Variants in PHACTR1 observed in about 807,000 individuals in gnomAD.
PHACTR1 encodes the protein RPEL repeat containing 1.
Under a neutral mutation model 69.2 loss-of-function variants are expected in PHACTR1, and 16 were observed. The observed-to-expected ratio is 0.23, with a 90% CI of 0.16 to 0.35. The LOEUF (loss-of-function observed/expected upper bound fraction) is 0.35, where lower values mean the gene tolerates loss of function less well. Among genes scored for constraint, PHACTR1 ranks in the 10% least tolerant of loss-of-function variants. The pLI is 1.00. For synonymous variants in PHACTR1, 312 were observed against 284.5 expected (o/e 1.10, Z -0.97); for missense variants, 510 against 734.7 (o/e 0.69, Z 3.54).
At chr6:13,190,196 G>GTTTTGTTTTTTTT (rs1220683843) in intron 7 of PHACTR1, among the ~76,000 whole-genome samples, 3 of 31,848 alleles carry the variant, frequency 9.4e-5, no homozygotes, top group African/African-American at 3.1e-4. Context: ...GCTAATTTTT[G>GTTTTGTTTTTTTT]TATTTTTTTT....
intron 10 of PHACTR1, among the ~76,000 whole-genome samples, chr6:13,271,308 C>A (rs1323366939): frequency 2.6e-5 from 4 of 152,170 alleles, no homozygotes; most frequent in Non-Finnish European, 4.4e-5. Flanking sequence ...CCAGGCCTCC[C>A]CCCGAGCAAT....
At chr6:12,831,244 T>A (rs1206697810) in intron 4 of PHACTR1, among the ~76,000 whole-genome samples, 1 of 152,210 alleles carries the variant, frequency 6.6e-6, no homozygotes, top group Admixed American at 6.5e-5. Context: ...GAAATTACGA[T>A]GCATTTTTGA....
At chr6:13,117,268 C>T (rs943290471) in intron 5 of PHACTR1, among the ~76,000 whole-genome samples, 3 of 152,212 alleles carry the variant, frequency 2.0e-5, no homozygotes, top group Non-Finnish European at 4.4e-5. Flanking sequence ...TTTCTGCAGA[C>T]TTGACCTAGG....
intron 4 of PHACTR1, among the ~76,000 whole-genome samples, chr6:13,010,197 G>A (rs1426933485): frequency 6.6e-6 from 1 of 151,910 alleles, no homozygotes; most frequent in Non-Finnish European, 1.5e-5. Flanking sequence ...GCGTGATCTC[G>A]GCTCACTGCA....
chr6:13,168,198 C>T (rs192337683), intron 6 of PHACTR1, among the ~76,000 whole-genome samples: 47 of 152,310 alleles, frequency 3.1e-4, no homozygotes, highest in Non-Finnish European at 4.4e-4. Flanking sequence ...AACCTATAAT[C>T]ATTTGTGTAG....
At chr6:12,736,588 T>C (rs1581500172) in intron 3 of PHACTR1, among the ~76,000 whole-genome samples, 2 of 152,308 alleles carry the variant, frequency 1.3e-5, no homozygotes, top group Non-Finnish European at 2.9e-5. Context: ...TGTGGGACTA[T>C]CTGACAATGA....
chr6:13,174,130 C>G (rs1761006349), intron 6 of PHACTR1, among the ~76,000 whole-genome samples: 1 of 152,168 alleles, frequency 6.6e-6, no homozygotes, highest in Non-Finnish European at 1.5e-5. Context: ...CCACTAACAC[C>G]AGAATGACAC....
intron 6 of PHACTR1, among the ~76,000 whole-genome samples, chr6:13,175,915 C>A (rs1354770523): frequency 6.6e-6 from 1 of 152,060 alleles, no homozygotes; most frequent in Non-Finnish European, 1.5e-5. Flanking sequence ...CAAATCAGCC[C>A]ACCAACTGGG....
intron 4 of PHACTR1, among the ~76,000 whole-genome samples, chr6:13,013,821 C>T (rs1037177063): frequency 2.7e-5 from 4 of 148,744 alleles, no homozygotes; most frequent in African/African-American, 7.3e-5. Flanking sequence ...CTGGCGAGGC[C>T]GAGGGGCGCG....
At chr6:13,092,157 GTAA>G (rs1813391225) in intron 5 of PHACTR1, among the ~76,000 whole-genome samples, 2 of 152,164 alleles carry the variant, frequency 1.3e-5, no homozygotes, top group African/African-American at 4.8e-5. Context: ...AGCTCAGGTG[GTAA>G]TGCAAGTGAT....
At chr6:12,862,650 A>T (rs1331331672) in intron 4 of PHACTR1, among the ~76,000 whole-genome samples, 1 of 152,162 alleles carries the variant, frequency 6.6e-6, no homozygotes, top group Non-Finnish European at 1.5e-5. Flanking sequence ...CACCACAGGG[A>T]TCATGATGCA....
Position 12,723,332 on chromosome 6 carries a change from T to C in PHACTR1, c.103+4485T>C, listed in dbSNP as rs1762361474. On this transcript the variant is annotated intron_variant, in intron 3 of 14. Coordinates refer to ENST00000332995, the MANE Select transcript of PHACTR1 (RefSeq NM_030948.6). ...GCTTCATTCATTCGTCTGGGGCTTG[T>C]TAGGAATGTAGCATCTCAGGCCCCA... Among the ~76,000 whole-genome samples the C allele has an allele frequency of 3.9e-5, 6 of 152,146 alleles. No homozygotes were observed. In the South Asian group the frequency reaches 8.3e-4, roughly 21 times the overall value.
intron 4 of PHACTR1, 65 bp from the exon 5 acceptor site, chr6:13,053,300 G>C: frequency 6.9e-7 from 1 of 1,458,940 alleles, no homozygotes; most frequent in Non-Finnish European, 9.2e-7. Flanking sequence ...TTGGCCATCT[G>C]TGAGGCTCCC....
At chr6:12,797,415 A>G (rs1773164975) in intron 4 of PHACTR1, among the ~76,000 whole-genome samples, 2 of 152,208 alleles carry the variant, frequency 1.3e-5, no homozygotes, top group South Asian at 4.1e-4. Context: ...GAGTTTGATA[A>G]TTGCAGTGGC....
At chr6:13,215,038 A>C (rs1313866126) in intron 8 of PHACTR1, among the ~76,000 whole-genome samples, 2 of 152,238 alleles carry the variant, frequency 1.3e-5, no homozygotes, top group African/African-American at 2.4e-5. Context: ...TGAAGAAAGC[A>C]CTGACATTTG....
intron 4 of PHACTR1, among the ~76,000 whole-genome samples, chr6:12,833,523 T>A (rs1777820293): frequency 6.6e-6 from 1 of 152,114 alleles, no homozygotes; most frequent in South Asian, 2.1e-4. Flanking sequence ...CCTCCCAAAG[T>A]GCTGAGATTA....
intron 4 of PHACTR1, among the ~76,000 whole-genome samples, chr6:13,047,924 A>G (rs1336375779): frequency 1.3e-5 from 2 of 152,134 alleles, no homozygotes; most frequent in East Asian, 3.8e-4. Context: ...CTAGGAGCCC[A>G]CCAAGAGTAA....
Position 13,283,542 on chromosome 6 carries a change from C to T in PHACTR1, c.1630C>T (p.Arg544Cys), listed in dbSNP as rs765398120. ...YDRRADKPWT[R>C]LTAADKAAIR... ...CCGCAGGGCAGATAAGCCGTGGACCCGCCTCACCGCTGCAGACAAAGTAAG... is the reference window on the plus strand; with the variant it reads ...CCGCAGGGCAGATAAGCCGTGGACCTGCCTCACCGCTGCAGACAAAGTAAG... The change falls in exon 13 of 15, where the codon CGC (arginine) becomes TGC (cysteine). Residue 544 changes from arginine to cysteine, a missense_variant. Arg to Cys is a radical substitution (Grantham distance 180). This residue lies in a region of PHACTR1 where 91 missense variants were observed against 203.8 expected (regional missense o/e 0.45). Coordinates refer to ENST00000332995, the MANE Select transcript of PHACTR1 (RefSeq NM_030948.6). The surrounding 1 kb of genome is among the most constrained non-coding windows in gnomAD (Gnocchi z 4.7). 3.1e-6 allele frequency: 5 copies of T among 1,613,714 alleles called. No individual in the cohort carries two copies. The highest frequency in any genetic ancestry group is 1.3e-5 in the African/African-American group (1 of 74,924).
intron 10 of PHACTR1, chr6:13,266,901 G>C (rs531155806): frequency 2.0e-5 from 3 of 152,246 alleles, no homozygotes; most frequent in South Asian, 2.1e-4. Context: ...TCACACCCAC[G>C]GCATCTGGCC....
Sources: allele counts gnomAD v4.1 joint callset (sites outside exome capture counted in the v4.1 genomes callset), GRCh38; gene constraint gnomAD v4.1.1; regional missense constraint gnomAD v4.1.1; non-coding constraint Gnocchi (gnomAD v3.1); transcripts MANE v1.5; gene names NCBI Gene and HGNC (gene_info 2026-07-23, HGNC 2026-07-21).